The following ABAT variants were observed in gnomAD, a reference collection of about 807,000 sequenced individuals.
ABAT encodes 4-aminobutyrate aminotransferase, also known as 4-aminobutyrate aminotransferase, mitochondrial.
In ABAT, 45 loss-of-function variants were observed where a neutral mutation model predicts 64.6. The ratio of observed to expected loss-of-function variants is 0.70; its 90% confidence interval spans 0.55 to 0.89. The LOEUF is 0.89. Ranked by LOEUF, ABAT falls within the 40% of genes least tolerant of loss-of-function variation. The probability of loss-of-function intolerance (pLI) is 0.00; values close to 1 mark genes in which losing one functional copy is unlikely to be tolerated. For synonymous variants in ABAT, 297 were observed against 250.5 expected, an observed-to-expected ratio of 1.19 and a Z score of -1.75; for missense variants, 633 against 658.4, an observed-to-expected ratio of 0.96 and a Z score of 0.42.
chr16:8,692,446 G>C (rs1252745881), intron 1 of ABAT, among the ~76,000 whole-genome samples: 3 of 152,174 alleles, frequency 2.0e-5, no homozygotes, highest in Non-Finnish European at 4.4e-5. Context: ...TCGGCAACAT[G>C]GCTAAGAAGG....
Position 8,772,811 on chromosome 16 carries a change from A to G in ABAT, c.848A>G (p.Lys283Arg). ...GATCTGATTGTGAAATATCGGAAAAAGAAGAAGACGGTGGCCGGGATCATC... is the reference window on the plus strand; with the variant it reads ...GATCTGATTGTGAAATATCGGAAAAGGAAGAAGACGGTGGCCGGGATCATC... ...VEDLIVKYRKKKKTVAGIIVE... is the reference protein window; with the variant it reads ...VEDLIVKYRKRKKTVAGIIVE... The change falls in exon 12 of 16, where the codon AAG (lysine) becomes AGG (arginine). Residue 283 changes from lysine to arginine, a missense_variant. Physicochemically the swap from Lys to Arg is conservative, Grantham distance 26 (BLOSUM62 2). Coordinates refer to ENST00000268251, the MANE Select transcript of ABAT (RefSeq NM_020686.6). The G allele has an allele frequency of 6.2e-7, 1 of 1,614,106 alleles. No homozygotes were observed. The highest frequency in any genetic ancestry group is 1.1e-5 in the South Asian group (1 of 91,082).
chr16:8,778,739 T>C (rs540087808), intron 14 of ABAT, among the ~76,000 whole-genome samples: 9 of 150,104 alleles, frequency 6.0e-5, no homozygotes, highest in African/African-American at 2.2e-4. Flanking sequence ...ATAGTGCCAC[T>C]GCACTCCAGC....
intron 2 of ABAT, among the ~76,000 whole-genome samples, chr16:8,743,007 T>TAAAAAA (rs71152928): frequency 6.4e-5 from 8 of 124,250 alleles, no homozygotes; most frequent in Non-Finnish European, 1.3e-4. Flanking sequence ...CTCATTTCTT[T>TAAAAAA]AAAAAAAAAA....
chr16:8,704,064 T>C (rs77542580), intron 1 of ABAT, among the ~76,000 whole-genome samples: 2,263 of 152,334 alleles, frequency 0.015, 56 homozygotes, highest in African/African-American at 0.052. Context: ...TTTCTTCCAC[T>C]ATCTTGGGAT....
At chr16:8,720,663 T>G (rs1262132468) in intron 1 of ABAT, 1 of 152,310 alleles carries the variant, frequency 6.6e-6, no homozygotes, top group Non-Finnish European at 1.5e-5. Flanking sequence ...CTTTATGGGT[T>G]GCTATGGCAA....
Position 8,743,444 on chromosome 16 carries a change from T to TATATATATATATATATATATATACACAC in ABAT, c.71-2556_71-2555insTATATATATATATATATATATACACACA. Among the ~76,000 whole-genome samples, 4 of 117,670 alleles carry TATATATATATATATATATATATACACAC rather than the reference T, an allele frequency of 3.4e-5. No homozygotes were observed. The South Asian group carries it at 1.1e-3, about 31-fold the overall frequency. The allele number at this position is 117,670 out of a possible 152,430, so 77.2% of individuals were successfully genotyped here. On this transcript the variant is annotated intron_variant, in intron 2 of 15. Transcript: ENST00000268251. ...ACAGTTATATATATATATATATATATACACACATTTTATAATATATTATAT... is the reference window on the plus strand; with the variant it reads ...ACAGTTATATATATATATATATATATATATATATATATATATATATATACACACACACACATTTTATAATATATTATAT...
At chr16:8,769,034 A>C in intron 11 of ABAT, 61 bp downstream of exon 11, 2 of 1,606,674 alleles carry the variant, frequency 1.2e-6, no homozygotes, top group Admixed American at 1.7e-5. Flanking sequence ...TGCCGCCCCA[A>C]GACTTGGGGA....
At chr16:8,687,697 C>A (rs7204053) in intron 1 of ABAT, among the ~76,000 whole-genome samples, 1 of 152,080 alleles carries the variant, frequency 6.6e-6, no homozygotes, top group Non-Finnish European at 1.5e-5. Context: ...GGGCTGAGGC[C>A]TGTGTCTTAG....
At chr16:8,738,633 T>C (rs1260244609) in intron 2 of ABAT, among the ~76,000 whole-genome samples, 1 of 149,210 alleles carries the variant, frequency 6.7e-6, no homozygotes, top group Non-Finnish European at 1.5e-5. Context: ...TTTTTGTTTT[T>C]TTTTTGGTGT....
chr16:8,706,620 C>T (rs573183057), intron 1 of ABAT, among the ~76,000 whole-genome samples: 3 of 151,954 alleles, frequency 2.0e-5, no homozygotes, highest in East Asian at 1.9e-4. Context: ...AGCTGAGGCA[C>T]GAGAATCAAT....
At chr16:8,690,552 A>T (rs1481703003) in intron 1 of ABAT, among the ~76,000 whole-genome samples, 2 of 152,212 alleles carry the variant, frequency 1.3e-5, no homozygotes, top group Non-Finnish European at 2.9e-5. Context: ...GTACAGAATG[A>T]CAACATTTCT....
At chr16:8,775,089 A>G in intron 13 of ABAT, 32 bp downstream of exon 13, 1 of 1,613,752 alleles carries the variant, frequency 6.2e-7, no homozygotes, top group Non-Finnish European at 8.5e-7. Context: ...CTCTACATCC[A>G]GGGCAGAGAA....
intron 6 of ABAT, among the ~76,000 whole-genome samples, chr16:8,759,100 C>T (rs1028004922): frequency 6.6e-6 from 1 of 151,268 alleles, no homozygotes; most frequent in African/African-American, 2.4e-5. Flanking sequence ...AGACTTTATC[C>T]CAAAAAATAA....
At chr16:8,734,768 C>T (rs1480563203) in intron 1 of ABAT, among the ~76,000 whole-genome samples, 1 of 152,016 alleles carries the variant, frequency 6.6e-6, no homozygotes, top group Non-Finnish European at 1.5e-5. Flanking sequence ...ATTAACAAAA[C>T]AGGTTTTTAG....
At chr16:8,773,105 T>TACACACACACACAC (rs35248639) in intron 12 of ABAT, among the ~76,000 whole-genome samples, 188 bp downstream of exon 12, 2,518 of 108,804 alleles carry the variant, frequency 0.023, 27 homozygotes, top group East Asian at 0.052. Context: ...CCTAAAACTA[T>TACACACACACACAC]ACACACACAC....
chr16:8,683,869 G>A (rs200398381), intron 1 of ABAT, among the ~76,000 whole-genome samples: 3 of 26,532 alleles, frequency 1.1e-4, no homozygotes, highest in Non-Finnish European at 2.0e-4. Context: ...GCATTCATTC[G>A]TCAATGAGTG....
At chr16:8,735,878 G>T in intron 2 of ABAT, 69 bp downstream of exon 2, 3 of 1,389,194 alleles carry the variant, frequency 2.2e-6, no homozygotes, top group Non-Finnish European at 3.0e-6. Context: ...GGATTCCTGG[G>T]CTGGAAGAGC....
chr16:8,745,022 C>G (rs994639171), intron 2 of ABAT, among the ~76,000 whole-genome samples: 1 of 152,120 alleles, frequency 6.6e-6, no homozygotes, highest in African/African-American at 2.4e-5. Context: ...GCGTCTCACT[C>G]TGTTGCCCAG....
In ABAT at chr16:8,782,525, A is replaced by G. The variant is rs1419493602; in HGVS notation, c.*1095A>G. 6.6e-6 allele frequency: 1 copy of G among 152,210 alleles called. No individual in the cohort carries two copies. Among genetic ancestry groups the G allele is most frequent in the East Asian group, 1.9e-4 (1 of 5,190 alleles). 9.4% of individuals were successfully genotyped at this position (152,210 alleles called of 1,614,324 possible). A position where few individuals can be genotyped will look rare whatever the true frequency, so the allele number is the denominator to read the frequency against. ...AAGCACCATGAATTAAAGGTGCCAG[A>G]GCTCCATGCATGGAAAAGTGGCCTG... On this transcript the variant is annotated 3_prime_UTR_variant, in exon 16 of 16. Coordinates refer to ENST00000268251, the MANE Select transcript of ABAT (RefSeq NM_020686.6).
Sources: allele counts gnomAD v4.1 joint callset (sites outside exome capture counted in the v4.1 genomes callset), GRCh38; gene constraint gnomAD v4.1.1; transcripts MANE v1.5; gene names NCBI Gene and HGNC (gene_info 2026-07-23, HGNC 2026-07-21).